ABHD5: variants seen among roughly 807,000 people sequenced by gnomAD.
The protein encoded by ABHD5 is abhydrolase domain containing 5, lysophosphatidic acid acyltransferase, also known as 1-acylglycerol-3-phosphate O-acyltransferase ABHD5.
In ABHD5, 30 loss-of-function variants were observed where a neutral mutation model predicts 44.9. That is an observed-to-expected ratio of 0.67 (90% confidence interval 0.50 to 0.91). ABHD5 has a LOEUF of 0.91. Among genes scored for constraint, ABHD5 ranks in the 40% least tolerant of loss-of-function variants. The pLI is 0.00. For synonymous variants in ABHD5, 167 were observed against 147.0 expected, an observed-to-expected ratio of 1.14 and a Z score of -0.99; for missense variants, 399 against 423.4, an observed-to-expected ratio of 0.94 and a Z score of 0.50.
At chr3:43,725,384 A>T (rs139574374), downstream of ABHD5, among the ~76,000 whole-genome samples, 242 of 152,300 alleles carry the variant, frequency 1.6e-3, no homozygotes, top group African/African-American at 5.6e-3. Context: ...GTTAGCGTTT[A>T]TTTGCCTGTT....
intron 2 of ABHD5, among the ~76,000 whole-genome samples, chr3:43,700,990 C>T (rs1178567131): frequency 1.3e-5 from 2 of 152,118 alleles, no homozygotes; most frequent in Non-Finnish European, 2.9e-5. Flanking sequence ...AAATTCTTAT[C>T]AGGAGGTAAA....
At chr3:43,725,370 A>G (rs1224989809), downstream of ABHD5, among the ~76,000 whole-genome samples, 3 of 152,164 alleles carry the variant, frequency 2.0e-5, no homozygotes, top group Non-Finnish European at 4.4e-5. Context: ...TTAAGTTAGA[A>G]CTAGTTAGCG....
In ABHD5 at chr3:43,696,392, A is replaced by G. The variant is rs2149592194; in HGVS notation, c.48-2884A>G. ...AATTTTGTGACCTCAGAAGAATGGC[A>G]GAATATCTGACAAGCTTCAGTCCTG... On this transcript the variant is annotated intron_variant, in intron 1 of 6. Transcript: ENST00000644371. 1.3e-5 allele frequency among the ~76,000 whole-genome samples: 2 copies of G among 152,354 alleles called. 1 individual carries two copies. The highest frequency in any genetic ancestry group is 4.1e-4 in the South Asian group (2 of 4,832).
Position 43,721,332 on chromosome 3 carries a change from T to C in ABHD5, c.*2800T>C, listed in dbSNP as rs2084833506. 1 of 152,114 alleles carries C rather than the reference T, an allele frequency of 6.6e-6. No homozygotes were observed. The highest frequency in any genetic ancestry group is 2.4e-5 in the African/African-American group (1 of 41,444). The allele number at this position is 152,114 out of a possible 1,614,324, so 9.4% of individuals were successfully genotyped here. A position where few individuals can be genotyped will look rare whatever the true frequency, so the allele number is the denominator to read the frequency against. The stretch of plus-strand genomic sequence containing the variant: ...CCCAATTTTTAAAATGAAACCCTCT[T>C]TCTAACTAGAAGAAAACATAGATGA... On this transcript the variant is annotated 3_prime_UTR_variant, in exon 7 of 7. Transcript: ENST00000644371.
At chr3:43,726,474 T>C (rs1370872225), downstream of ABHD5, among the ~76,000 whole-genome samples, 3 of 152,200 alleles carry the variant, frequency 2.0e-5, no homozygotes, top group African/African-American at 7.2e-5. Context: ...GACTGGACTC[T>C]CGTGCTGGCC....
At chr3:43,690,879 A>G (rs74845403), upstream of ABHD5, 72,396 of 1,189,234 alleles carry the variant, frequency 0.061, 3,382 homozygotes, top group South Asian at 0.19. Flanking sequence ...TAGTGCGCGG[A>G]AGACGCATGC....
intron 4 of ABHD5, among the ~76,000 whole-genome samples, chr3:43,712,568 A>G (rs1271936647): frequency 6.6e-6 from 1 of 152,146 alleles, no homozygotes; most frequent in African/African-American, 2.4e-5. Flanking sequence ...TACAACTTGT[A>G]TGAATTTGGA....
intron 7 of ABHD5, among the ~76,000 whole-genome samples, chr3:43,728,461 A>C (rs2084892376): frequency 6.6e-6 from 1 of 152,202 alleles, no homozygotes; most frequent in South Asian, 2.1e-4. Flanking sequence ...TCTAAAGCTA[A>C]CCCATAAATA....
chr3:43,726,913 C>T (rs548836462), downstream of ABHD5, among the ~76,000 whole-genome samples: 11 of 152,290 alleles, frequency 7.2e-5, no homozygotes, highest in East Asian at 1.9e-4. Context: ...TGTGGTTTAT[C>T]GGGCAGTTCA....
chr3:43,708,241 A>T (rs1251278430), intron 3 of ABHD5, among the ~76,000 whole-genome samples: 1 of 152,186 alleles, frequency 6.6e-6, no homozygotes, highest in African/African-American at 2.4e-5. Context: ...GTTCTTGACA[A>T]GGATGTCTAA....
chr3:43,715,268 C>A (rs1048244036), intron 5 of ABHD5, among the ~76,000 whole-genome samples: 1 of 152,164 alleles, frequency 6.6e-6, no homozygotes. Context: ...TCAAGCAATT[C>A]TCCTGCTTCA....
intron 1 of ABHD5, among the ~76,000 whole-genome samples, chr3:43,694,119 G>A (rs549482644): frequency 2.1e-5 from 3 of 142,980 alleles, no homozygotes; most frequent in African/African-American, 8.2e-5. Context: ...AATTAGCCGG[G>A]CAAGGTGGCG....
chr3:43,697,219 T>G (rs1479746651), intron 1 of ABHD5, among the ~76,000 whole-genome samples: 2 of 152,190 alleles, frequency 1.3e-5, no homozygotes, highest in African/African-American at 4.8e-5. Context: ...GAATTATTTT[T>G]TGAGTGTCGT....
Position 43,718,472 on chromosome 3 carries a change from T to C in ABHD5, c.990T>C (p.Tyr330=), listed in dbSNP as rs892949306. The C allele has an allele frequency of 2.5e-6, 4 of 1,614,000 alleles. No individual in the cohort carries two copies. Among genetic ancestry groups the C allele is most frequent in the Admixed American group, 1.7e-5 (1 of 59,988 alleles). The stretch of plus-strand genomic sequence containing the variant: ...TTCTTGGGGCAGGACATTATGTATA[T>C]GCAGATCAACCAGAAGAATTCAACC... ...IAILGAGHYV[Y]ADQPEEFNQK... is the part of the protein sequence containing the mutation. The change falls in exon 7 of 7, where the codon TAT becomes TAC. Residue 330 remains tyrosine (Y), a synonymous_variant. Transcript: ENST00000644371.
In ABHD5 at chr3:43,702,387, A is replaced by T. The variant is rs1230537833; in HGVS notation, c.306A>T (p.Arg102Ser). ...ATTTTGGAGATCTTTGCACCAACAG[A>T]CCTGTCTATGCTTTTGACCTATTGG... is the stretch of plus-strand genomic sequence containing the variant. Reference protein sequence around the residue: ...ALNFGDLCTNRPVYAFDLLGF... With the variant: ...ALNFGDLCTNSPVYAFDLLGF... The change falls in exon 3 of 7, where the codon AGA becomes AGT. Residue 102 changes from arginine (R) to serine (S), a missense_variant. By Grantham distance (110) the Arg-to-Ser change is moderately radical. Coordinates refer to ENST00000644371, the MANE Select transcript of ABHD5 (RefSeq NM_016006.6). The T allele has an allele frequency of 1.2e-6, 2 of 1,614,080 alleles. No homozygotes were observed. Among genetic ancestry groups the T allele is most frequent in the Non-Finnish European group, 1.7e-6 (2 of 1,180,048 alleles).
At chr3:43,693,577 C>T (rs369250963) in intron 1 of ABHD5, among the ~76,000 whole-genome samples, 1 of 152,166 alleles carries the variant, frequency 6.6e-6, no homozygotes. Context: ...ACTGCCACAT[C>T]CCAATGGCCT....
At chr3:43,727,924 T>G (rs527977687) in intron 7 of ABHD5, among the ~76,000 whole-genome samples, 3 of 152,300 alleles carry the variant, frequency 2.0e-5, no homozygotes, top group African/African-American at 7.2e-5. Flanking sequence ...TGTACTACTT[T>G]TAAAGAATGA....
chr3:43,701,223 A>G (rs1256984372), intron 2 of ABHD5, among the ~76,000 whole-genome samples: 9 of 152,224 alleles, frequency 5.9e-5, no homozygotes, highest in African/African-American at 2.2e-4. Flanking sequence ...CTTGGCACTT[A>G]AGCCAAAGCA....
chr3:43,717,173 T>TCAAAAAAAA lies in ABHD5; in HGVS notation c.774-479_774-471dup, dbSNP rs1034162382. Reference sequence around the variant, plus strand: ...CTAGGCAACAGAGCTAGACTCCATCTCAAAAAAAACAAAAAAAACAAAAAA... The same window carrying TCAAAAAAAA: ...CTAGGCAACAGAGCTAGACTCCATCTCAAAAAAAACAAAAAAAACAAAAAAAACAAAAAA... On this transcript the variant is annotated intron_variant, in intron 5 of 6. Coordinates refer to ENST00000644371, the MANE Select transcript of ABHD5 (RefSeq NM_016006.6). 9.0e-5 allele frequency among the ~76,000 whole-genome samples: 13 copies of TCAAAAAAAA among 144,462 alleles called. No individual in the cohort carries two copies. The South Asian group carries it at 1.6e-3, about 17-fold the overall frequency. The allele number at this position is 144,462 out of a possible 152,430, so 94.8% of individuals were successfully genotyped here.
Sources: allele counts gnomAD v4.1 joint callset (sites outside exome capture counted in the v4.1 genomes callset), GRCh38; gene constraint gnomAD v4.1.1; transcripts MANE v1.5; gene names NCBI Gene and HGNC (gene_info 2026-07-23, HGNC 2026-07-21).